PAPSS1: variants seen among roughly 807,000 people sequenced by gnomAD.
The protein encoded by PAPSS1 is bifunctional 3'-phosphoadenosine 5'-phosphosulfate synthase 1.
Under a neutral mutation model 72.0 loss-of-function variants are expected in PAPSS1, and 50 were observed. That is an observed-to-expected ratio of 0.69 (90% CI 0.55 to 0.88). The LOEUF is 0.88. PAPSS1 is among the 40% of genes least tolerant of loss of function. The pLI, the probability that PAPSS1 is intolerant of heterozygous loss-of-function variation, is 0.00. For missense variants in PAPSS1, 657 were observed against 782.2 expected, an observed-to-expected ratio of 0.84 and a Z score of 1.91; for synonymous variants, 261 against 263.6, an observed-to-expected ratio of 0.99 and a Z score of 0.09.
At chr4:107,667,910 C>A (rs564987036) in intron 5 of PAPSS1, among the ~76,000 whole-genome samples, 1 of 152,252 alleles carries the variant, frequency 6.6e-6, no homozygotes, top group Non-Finnish European at 1.5e-5. Context: ...AACATTCTTT[C>A]CAACCCAGAT....
intron 5 of PAPSS1, among the ~76,000 whole-genome samples, chr4:107,661,752 AGAT>A (rs1355803533): frequency 5.9e-5 from 9 of 152,216 alleles, no homozygotes; most frequent in Non-Finnish European, 1.3e-4. Flanking sequence ...CCTGAGGAAT[AGAT>A]GACCTCTAGA....
intron 10 of PAPSS1, among the ~76,000 whole-genome samples, chr4:107,635,504 C>T (rs1371497793): frequency 6.6e-6 from 1 of 152,120 alleles, no homozygotes; most frequent in African/African-American, 2.4e-5. Context: ...TCAATGACCT[C>T]TGCATTTAAA....
intron 10 of PAPSS1, among the ~76,000 whole-genome samples, chr4:107,632,209 G>A (rs2110302882): frequency 6.6e-6 from 1 of 152,178 alleles, no homozygotes; most frequent in African/African-American, 2.4e-5. Flanking sequence ...TATGAGGTTA[G>A]AAGTCAGGAT....
At chr4:107,703,414 C>CAAAA (rs35894658) in intron 1 of PAPSS1, among the ~76,000 whole-genome samples, 8 of 144,568 alleles carry the variant, frequency 5.5e-5, no homozygotes, top group Non-Finnish European at 6.1e-5. Context: ...GAGTCATATC[C>CAAAA]AAAAAAAAAA....
chr4:107,682,374 C>T (rs1351206001), intron 4 of PAPSS1, among the ~76,000 whole-genome samples: 2 of 151,908 alleles, frequency 1.3e-5, no homozygotes, highest in African/African-American at 2.4e-5. Context: ...AAATGTGACA[C>T]CAAATAGGCT....
rs145612190 is a variant in PAPSS1 at position 107,699,178 on chromosome 4, C to G, written c.175+1993G>C. On this transcript the variant is annotated intron_variant, in intron 2 of 11. Coordinates refer to ENST00000265174, the MANE Select transcript of PAPSS1 (RefSeq NM_005443.5). ...AGATCAATTTTCCCCCAAAATTAAT[C>G]TTAGATACAATGCAATCCCAAACTA... Among the ~76,000 whole-genome samples the G allele has an allele frequency of 7.5e-3, 1,144 of 151,960 alleles. 1 individual carries two copies. Among genetic ancestry groups the G allele is most frequent in the Non-Finnish European group, 0.012 (828 of 67,956 alleles).
chr4:107,638,791 T>C (rs1284329595), intron 10 of PAPSS1, among the ~76,000 whole-genome samples: 1 of 152,236 alleles, frequency 6.6e-6, no homozygotes, highest in African/African-American at 2.4e-5. Flanking sequence ...CTTCCTAATA[T>C]ACCAGTCACT....
chr4:107,664,476 T>G (rs1727264807), intron 5 of PAPSS1, among the ~76,000 whole-genome samples: 7 of 152,164 alleles, frequency 4.6e-5, no homozygotes. Flanking sequence ...CACAGTCCAC[T>G]GCAATGCTCC....
intron 10 of PAPSS1, among the ~76,000 whole-genome samples, chr4:107,636,633 T>C (rs1401627925): frequency 6.6e-6 from 1 of 152,126 alleles, no homozygotes; most frequent in Non-Finnish European, 1.5e-5. Context: ...ATCCCTAGTG[T>C]ACACCTGATT....
chr4:107,678,789 A>G (rs1317315590), intron 5 of PAPSS1, among the ~76,000 whole-genome samples: 1 of 152,166 alleles, frequency 6.6e-6, no homozygotes, highest in Non-Finnish European at 1.5e-5. Flanking sequence ...AGTGGGGCAC[A>G]GGCAAAAAAA....
intron 1 of PAPSS1, chr4:107,719,755 G>T: frequency 9.5e-7 from 1 of 1,057,048 alleles, no homozygotes; most frequent in Non-Finnish European, 1.2e-6. Context: ...TATGCAGGAA[G>T]CTCCTGTTTC....
At chr4:107,622,253 G>C (rs577756787) in intron 11 of PAPSS1, among the ~76,000 whole-genome samples, 5 of 152,200 alleles carry the variant, frequency 3.3e-5, no homozygotes, top group Admixed American at 1.3e-4. Context: ...CCACACTGGG[G>C]GCAAAGCCCA....
chr4:107,700,872 A>G (rs1158288232), intron 2 of PAPSS1, among the ~76,000 whole-genome samples: 1 of 152,212 alleles, frequency 6.6e-6, no homozygotes, highest in African/African-American at 2.4e-5. Flanking sequence ...TTTCACTGTT[A>G]GCTTCTCAGA....
chr4:107,711,655 C>T (rs1723499636), intron 1 of PAPSS1, among the ~76,000 whole-genome samples: 1 of 152,152 alleles, frequency 6.6e-6, no homozygotes, highest in African/African-American at 2.4e-5. Context: ...GTAACAGGCA[C>T]ATTTCTTTTA....
In PAPSS1 at chr4:107,631,856, T is replaced by C; in HGVS notation, c.1511A>G (p.Gln504Arg). ...PMMYAGPTEV[Q>R]WHCRARMVAG... The stretch of plus-strand genomic sequence containing the variant: ...AACCATCCGTGCTCTGCAATGCCAC[T>C]GGACCTAGAATAAAAGTTTCATTTT... Residue 504 changes from glutamine to arginine, a missense_variant, in exon 11 of 12, where the codon CAG becomes CGG. Gln to Arg is a conservative substitution (Grantham distance 43). This residue lies in a region of PAPSS1 where 166 missense variants were observed against 228.3 expected (regional missense o/e 0.73). Transcript: ENST00000265174. 1 of 1,609,278 alleles carries C rather than the reference T, an allele frequency of 6.2e-7. No individual in the cohort carries two copies. Among genetic ancestry groups the C allele is most frequent in the Non-Finnish European group, 8.5e-7 (1 of 1,176,784 alleles).
intron 2 of PAPSS1, among the ~76,000 whole-genome samples, chr4:107,694,515 G>C (rs908733712): frequency 7.3e-6 from 1 of 137,094 alleles, no homozygotes; most frequent in African/African-American, 2.5e-5. Context: ...TTTATTAGCA[G>C]ACATGGTTGG....
At chr4:107,707,148 T>C (rs1723358725) in intron 1 of PAPSS1, among the ~76,000 whole-genome samples, 1 of 152,042 alleles carries the variant, frequency 6.6e-6, no homozygotes, top group African/African-American at 2.4e-5. Flanking sequence ...GCCTGGAGGG[T>C]GGGGCTACAG....
chr4:107,683,690 G>A (rs139778708), intron 4 of PAPSS1, among the ~76,000 whole-genome samples: 432 of 152,186 alleles, frequency 2.8e-3, no homozygotes, highest in Non-Finnish European at 4.5e-3. Flanking sequence ...ATCTTAAGCA[G>A]TCATCATGAA....
intron 5 of PAPSS1, among the ~76,000 whole-genome samples, chr4:107,667,705 G>C (rs1405896319): frequency 6.6e-6 from 1 of 152,174 alleles, no homozygotes; most frequent in Non-Finnish European, 1.5e-5. Context: ...AAATAAAGTT[G>C]TCATTATATA....
Sources: allele counts gnomAD v4.1 joint callset (sites outside exome capture counted in the v4.1 genomes callset), GRCh38; gene constraint gnomAD v4.1.1; regional missense constraint gnomAD v4.1.1; transcripts MANE v1.5; gene names NCBI Gene and HGNC (gene_info 2026-07-23, HGNC 2026-07-21).